Variants in SLC71A2 observed in about 807,000 individuals in gnomAD.
The protein encoded by SLC71A2 is solute carrier family 71 member 2.
chr9:94,450,550 C>T, the SLC71A2 span, among the ~76,000 whole-genome samples: 1 of 130,320 alleles, frequency 7.7e-6, no homozygotes, highest in Non-Finnish European at 1.5e-5. Context: ...AATACAGTGG[C>T]ACAATCTTGG....
At chr9:94,456,897 C>T in the SLC71A2 span, among the ~76,000 whole-genome samples, 3 of 152,084 alleles carry the variant, frequency 2.0e-5, no homozygotes, top group African/African-American at 7.2e-5. Flanking sequence ...TCCCATGCCT[C>T]TGCTTCCCTT....
the SLC71A2 span, among the ~76,000 whole-genome samples, chr9:94,378,610 A>T: frequency 6.6e-6 from 1 of 152,048 alleles, no homozygotes; most frequent in Non-Finnish European, 1.5e-5. Flanking sequence ...CTCAAAAACA[A>T]ACAATAAACA....
chr9:94,431,192 A>G, the SLC71A2 span, among the ~76,000 whole-genome samples: 2 of 152,100 alleles, frequency 1.3e-5, no homozygotes, highest in Non-Finnish European at 2.9e-5. Flanking sequence ...GGGCCCCTGT[A>G]GTCCCAGCTA....
the SLC71A2 span, among the ~76,000 whole-genome samples, chr9:94,431,046 C>T: frequency 6.6e-6 from 1 of 152,192 alleles, no homozygotes; most frequent in Admixed American, 6.5e-5. Context: ...CACGCGGTGG[C>T]TCACGCCTGT....
the SLC71A2 span, among the ~76,000 whole-genome samples, chr9:94,380,202 C>A: frequency 6.6e-6 from 1 of 152,016 alleles, no homozygotes; most frequent in South Asian, 2.1e-4. Flanking sequence ...GGGAGGTGGA[C>A]CACGCTTGCA....
At chr9:94,383,390 T>A in the SLC71A2 span, among the ~76,000 whole-genome samples, 2 of 152,168 alleles carry the variant, frequency 1.3e-5, no homozygotes, top group Non-Finnish European at 2.9e-5. Context: ...CTCGAACTCC[T>A]GACCTCGTTA....
the SLC71A2 span, among the ~76,000 whole-genome samples, chr9:94,449,209 C>T: frequency 6.6e-6 from 1 of 152,170 alleles, no homozygotes. Context: ...GTCACCACCA[C>T]CACCAATTAT....
chr9:94,447,481 G>C, the SLC71A2 span, among the ~76,000 whole-genome samples: 1 of 98,376 alleles, frequency 1.0e-5, no homozygotes, highest in Non-Finnish European at 2.5e-5. Context: ...TGCCCAGCCT[G>C]TTTTTTTTTT....
the SLC71A2 span, among the ~76,000 whole-genome samples, chr9:94,435,741 G>A: frequency 1.1e-4 from 15 of 138,024 alleles, no homozygotes; most frequent in Admixed American, 5.0e-4. Flanking sequence ...TGCAACCTCC[G>A]CCTCCTGGGT....
At chr9:94,415,091 A>T in the SLC71A2 span, 1 of 1,198,812 alleles carries the variant, frequency 8.3e-7, no homozygotes, top group African/African-American at 1.5e-5. Context: ...ATTTTTTTCT[A>T]TACCATTTTA....
chr9:94,376,569 A>G, the SLC71A2 span, among the ~76,000 whole-genome samples: 1 of 148,594 alleles, frequency 6.7e-6, no homozygotes, highest in African/African-American at 2.5e-5. Context: ...TAGTATAGTG[A>G]TTAGACGAGC....
the SLC71A2 span, among the ~76,000 whole-genome samples, chr9:94,426,387 T>G: frequency 2.0e-5 from 3 of 152,096 alleles, no homozygotes; most frequent in Non-Finnish European, 2.9e-5. Flanking sequence ...CTCCTCTGAT[T>G]TGGGAGGTTT....
At chr9:94,384,569 G>A in the SLC71A2 span, among the ~76,000 whole-genome samples, 1 of 152,006 alleles carries the variant, frequency 6.6e-6, no homozygotes, top group African/African-American at 2.4e-5. Flanking sequence ...CAAACTCCTG[G>A]GCTCAAGTGA....
At chr9:94,458,476 A>G in the SLC71A2 span, 20 of 1,612,888 alleles carry the variant, frequency 1.2e-5, no homozygotes, top group Admixed American at 1.7e-5. Flanking sequence ...TAATTTGGTC[A>G]TAAGTCTAGT....
the SLC71A2 span, among the ~76,000 whole-genome samples, chr9:94,435,650 C>CTTT: frequency 3.1e-3 from 148 of 48,336 alleles, no homozygotes; most frequent in Admixed American, 4.5e-3. Context: ...TTTCCTTCTT[C>CTTT]TTTTTTTTTT....
At chr9:94,392,164 AAG>A in the SLC71A2 span, among the ~76,000 whole-genome samples, 2 of 151,028 alleles carry the variant, frequency 1.3e-5, no homozygotes, top group Non-Finnish European at 3.0e-5. Context: ...ATAAGATTGA[AAG>A]AGAGCAGGAG....
the SLC71A2 span, chr9:94,446,946 G>A: frequency 7.6e-6 from 10 of 1,317,078 alleles, no homozygotes; most frequent in South Asian, 1.2e-4. Context: ...GGTGAGTAGT[G>A]AGTGGCTAGT....
the SLC71A2 span, chr9:94,440,918 T>A: frequency 1.1e-6 from 1 of 891,380 alleles, no homozygotes; most frequent in Middle Eastern, 2.3e-4. Context: ...ATGATGTCTT[T>A]GGCTCAGGTA....
the SLC71A2 span, chr9:94,446,866 G>C: frequency 1.2e-6 from 2 of 1,612,408 alleles, no homozygotes; most frequent in African/African-American, 2.7e-5. Flanking sequence ...TTACTAATCT[G>C]CATCACCGTG....
Sources: allele counts gnomAD v4.1 joint callset (sites outside exome capture counted in the v4.1 genomes callset), GRCh38; gene constraint gnomAD v4.1.1; transcripts MANE v1.5; gene names NCBI Gene and HGNC (gene_info 2026-07-23, HGNC 2026-07-21).